ESRRG: variants seen among roughly 807,000 people sequenced by gnomAD.
ESRRG encodes the protein estrogen-related receptor gamma.
Under a neutral mutation model 44.0 loss-of-function variants are expected in ESRRG, and 13 were observed. The ratio of observed to expected loss-of-function variants is 0.30; its 90% CI spans 0.19 to 0.47. The LOEUF (loss-of-function observed/expected upper bound fraction) is 0.47, where lower values mean the gene tolerates loss of function less well. ESRRG is among the 20% of genes least tolerant of loss of function. ESRRG has a pLI of 1.00. For missense variants in ESRRG, 395 were observed against 580.6 expected (o/e 0.68, Z 3.29); for synonymous variants, 215 against 214.6 (o/e 1.00, Z -0.02).
At chr1:216,762,744 C>T (rs1028458784) in intron 2 of ESRRG, among the ~76,000 whole-genome samples, 2 of 148,362 alleles carry the variant, frequency 1.3e-5, no homozygotes, top group African/African-American at 2.4e-5. Context: ...AAAGAATGAG[C>T]ACCCTGTAGT....
rs1200871923 is a variant in ESRRG, at chr1:216,837,114, A to T, written c.-14+102468T>A. On this transcript the variant is annotated intron_variant, in intron 2 of 7. Transcript: ENST00000359162. ...TAAAGATATATTCTATTTTTTTTTT[A>T]AATACAACTTTTAGGCCGGGCAAGG... 3.4e-5 allele frequency among the ~76,000 whole-genome samples: 5 copies of T among 146,798 alleles called. No homozygotes were observed. In the South Asian group the frequency reaches 6.4e-4, roughly 19 times the overall value.
rs779496209 is a variant in ESRRG at position 216,516,636 on chromosome 1, T to TACACAC, written c.1132+2510_1132+2515dup. ...TCTGGAATTCCTAAACACACACACA[T>TACACAC]ACACACACACACACACACACACACA... On this transcript the variant is annotated intron_variant, in intron 6 of 6. Coordinates refer to ENST00000408911, the MANE Select transcript of ESRRG (RefSeq NM_001438.4). Among the ~76,000 whole-genome samples, 545 of 130,424 alleles carry TACACAC rather than the reference T, an allele frequency of 4.2e-3. 5 individuals are homozygous for TACACAC. The highest frequency in any genetic ancestry group is 0.014 in the African/African-American group (458 of 33,690). The allele number at this position is 130,424 out of a possible 152,430, so 85.6% of individuals were successfully genotyped here.
In ESRRG at chr1:216,891,586, G is replaced by A. The variant is rs553466706; in HGVS notation, c.-14+47996C>T. ...AGCTTGGCAACAGTCACTTGCTCGT[G>A]CTCATCAGCTTAGATCCTAGACAGG... On this transcript the variant is annotated intron_variant, in intron 2 of 7. Coordinates refer to the ESRRG transcript ENST00000359162. Among the ~76,000 whole-genome samples, 5 of 152,228 alleles carry A rather than the reference G, an allele frequency of 3.3e-5. No homozygotes were observed. In the South Asian group the frequency reaches 8.3e-4, roughly 25 times the overall value.
chr1:216,995,347 G>A (rs946842383), intron 1 of ESRRG, among the ~76,000 whole-genome samples: 9 of 152,154 alleles, frequency 5.9e-5, no homozygotes, highest in African/African-American at 2.2e-4. Context: ...CATTCTCCAT[G>A]ATACTACCAG....
Position 216,718,376 on chromosome 1 carries a change from G to A in ESRRG, c.56+4868C>T, listed in dbSNP as rs184161493. 1.1e-3 allele frequency among the ~76,000 whole-genome samples: 174 copies of A among 151,738 alleles called. 1 individual carries two copies. The highest frequency in any genetic ancestry group is 3.3e-3 in the Admixed American group (50 of 15,224). On this transcript the variant is annotated intron_variant, in intron 1 of 6. Transcript: ENST00000408911. ...CAAATATACTCCTGGGTATCCTATC[G>A]ACTGCTTTGAGTTTTAAAGTACCAT...
intron 2 of ESRRG, among the ~76,000 whole-genome samples, chr1:216,932,719 GTTTTTTT>G (rs397860904): frequency 1.4e-5 from 1 of 70,300 alleles, no homozygotes; most frequent in African/African-American, 5.6e-5. Flanking sequence ...CACCAAACTT[GTTTTTTT>G]TTTTTTTTTT....
rs549621853 is a variant in ESRRG, at chr1:216,569,489, AAG to A, written c.590-1393_590-1392del. On this transcript the variant is annotated intron_variant, in intron 3 of 6. Transcript: ENST00000408911. Reference sequence around the variant, plus strand: ...CAGCGGATTTAAAAGATTAAGGAAAAAGCCAAGGGAATGAATGGGATTACAAA... The same window carrying A: ...CAGCGGATTTAAAAGATTAAGGAAAACCAAGGGAATGAATGGGATTACAAA... 1.6e-4 allele frequency among the ~76,000 whole-genome samples: 24 copies of A among 152,228 alleles called. No individual in the cohort carries two copies. In the East Asian group the frequency reaches 4.6e-3, roughly 29 times the overall value.
intron 1 of ESRRG, among the ~76,000 whole-genome samples, chr1:216,692,762 A>G (rs1480156852): frequency 6.6e-6 from 1 of 152,154 alleles, no homozygotes; most frequent in Admixed American, 6.5e-5. Flanking sequence ...CCTTTTTACT[A>G]TATTTTTACT....
intron 5 of ESRRG, among the ~76,000 whole-genome samples, chr1:216,532,680 A>T (rs1336747330): frequency 1.3e-5 from 2 of 152,118 alleles, no homozygotes; most frequent in African/African-American, 4.8e-5. Context: ...TCAACAAGAG[A>T]ATTTACTCTG....
chr1:216,533,865 G>A (rs1019214369), intron 5 of ESRRG, among the ~76,000 whole-genome samples: 24 of 152,012 alleles, frequency 1.6e-4, no homozygotes, highest in African/African-American at 5.6e-4. Flanking sequence ...ACTGCTTCAG[G>A]ATCATTATGC....
chr1:216,614,939 C>T (rs1286640042), intron 3 of ESRRG, among the ~76,000 whole-genome samples: 4 of 152,132 alleles, frequency 2.6e-5, no homozygotes, highest in Non-Finnish European at 4.4e-5. Context: ...GAACCCAAGG[C>T]CCAGATAAAT....
intron 1 of ESRRG, among the ~76,000 whole-genome samples, chr1:217,074,409 G>A (rs2090992001): frequency 6.9e-6 from 1 of 144,216 alleles, no homozygotes; most frequent in Non-Finnish European, 1.5e-5. Flanking sequence ...CATAAAATGT[G>A]CATTTAGCCT....
chr1:216,939,343 CAAAAAAAAA>C lies in ESRRG; in HGVS notation c.-14+230_-14+238del, dbSNP rs201260010. Among the ~76,000 whole-genome samples the C allele has an allele frequency of 2.8e-4, 14 of 50,086 alleles. No homozygotes were observed. The East Asian group carries it at 5.1e-3, about 18-fold the overall frequency. 32.9% of individuals were successfully genotyped at this position (50,086 alleles called of 152,430 possible). ...TCTTCCAGAATATCCTACACATAGA[CAAAAAAAAA>C]AAAAAAAAAAAAAAAAAACACTTTA... On this transcript the variant is annotated intron_variant, in intron 2 of 7. Coordinates refer to the ESRRG transcript ENST00000359162.
chr1:216,993,897 T>C (rs1365478208), intron 1 of ESRRG, among the ~76,000 whole-genome samples: 1 of 152,320 alleles, frequency 6.6e-6, no homozygotes, highest in Non-Finnish European at 1.5e-5. Flanking sequence ...TCCTTATACT[T>C]CAAATTTTAT....
Position 216,963,568 on chromosome 1 carries a change from G to A in ESRRG, c.-105-23895C>T, listed in dbSNP as rs1216502869. ...TCTCGTACAAGTTGAATGAAGACTT[G>A]TCTATCCTCCTCTATTATCCTAAAA... On this transcript the variant is annotated intron_variant, in intron 1 of 7. Transcript: ENST00000359162. 5.3e-5 allele frequency among the ~76,000 whole-genome samples: 8 copies of A among 152,294 alleles called. No individual in the cohort carries two copies. The East Asian group carries it at 1.5e-3, about 29-fold the overall frequency.
chr1:216,786,410 G>A (rs1239544982), intron 2 of ESRRG, among the ~76,000 whole-genome samples: 1 of 152,098 alleles, frequency 6.6e-6, no homozygotes, highest in Non-Finnish European at 1.5e-5. Flanking sequence ...TTTAAAATGT[G>A]TATTGAGTGA....
intron 2 of ESRRG, among the ~76,000 whole-genome samples, chr1:216,877,552 C>T (rs926824430): frequency 6.6e-6 from 1 of 151,912 alleles, no homozygotes; most frequent in Non-Finnish European, 1.5e-5. Flanking sequence ...TACAGGCACG[C>T]ACCACCATAC....
At chr1:217,108,278 T>C (rs2092621695) in intron 1 of ESRRG, among the ~76,000 whole-genome samples, 1 of 152,182 alleles carries the variant, frequency 6.6e-6, no homozygotes, top group African/African-American at 2.4e-5. Flanking sequence ...CCTTTAGTTA[T>C]TCCCCATCTC....
intron 2 of ESRRG, among the ~76,000 whole-genome samples, chr1:216,741,076 C>T (rs1489378356): frequency 3.3e-5 from 5 of 151,268 alleles, no homozygotes; most frequent in East Asian, 3.9e-4. Flanking sequence ...TTCACGCCCC[C>T]GTCCCCATAT....
Sources: gnomAD v4.1 joint callset for allele counts (sites outside exome capture counted in the v4.1 genomes callset) on GRCh38, gnomAD v4.1.1 for gene constraint, MANE v1.5 for transcripts, NCBI Gene and HGNC (gene_info 2026-07-23, HGNC 2026-07-21) for gene names.